Variants in ERBB4 observed in about 807,000 individuals in gnomAD.
The protein encoded by ERBB4 is erb-b2 receptor tyrosine kinase 4.
A neutral mutation model predicts 158.0 loss-of-function variants in ERBB4; 42 were observed. That is an observed-to-expected ratio of 0.27 (90% CI 0.21 to 0.34). The LOEUF is 0.34. ERBB4 is among the 10% of genes least tolerant of loss of function. The probability of loss-of-function intolerance (pLI) is 1.00; values close to 1 mark genes in which losing one functional copy is unlikely to be tolerated. For missense variants in ERBB4, 1,333 were observed against 1,624.1 expected (o/e 0.82, Z 3.08); for synonymous variants, 583 against 558.7 (o/e 1.04, Z -0.61).
chr2:211,841,733 C>T (rs1436447469), intron 3 of ERBB4, among the ~76,000 whole-genome samples: 1 of 151,730 alleles, frequency 6.6e-6, no homozygotes, highest in African/African-American at 2.4e-5. Context: ...ATATGGCTTC[C>T]CTGGAATTCT....
At chr2:211,682,709 T>A (rs369757200) in intron 12 of ERBB4, among the ~76,000 whole-genome samples, 1 of 152,220 alleles carries the variant, frequency 6.6e-6, no homozygotes, top group African/African-American at 2.4e-5. Flanking sequence ...CTTCCATCTA[T>A]TTCTCTCTCA....
chr2:211,500,868 T>TA (rs2125590803), intron 20 of ERBB4, among the ~76,000 whole-genome samples: 1 of 152,130 alleles, frequency 6.6e-6, no homozygotes, highest in East Asian at 1.9e-4. Flanking sequence ...TCCTTTGGTA[T>TA]AATAGGTTTG....
intron 25 of ERBB4, among the ~76,000 whole-genome samples, chr2:211,406,455 T>C (rs1314818322): frequency 1.3e-5 from 2 of 152,166 alleles, no homozygotes; most frequent in African/African-American, 2.4e-5. Flanking sequence ...ATTTAGCCCC[T>C]TAAAGATCAA....
At chr2:212,409,195 AT>A (rs1388704696) in intron 1 of ERBB4, among the ~76,000 whole-genome samples, 9 of 152,274 alleles carry the variant, frequency 5.9e-5, no homozygotes, top group African/African-American at 2.2e-4. Flanking sequence ...AAAAAGGGAG[AT>A]TTAAATGAGG....
intron 1 of ERBB4, among the ~76,000 whole-genome samples, chr2:212,262,440 ATAT>A (rs1205979803): frequency 6.6e-6 from 1 of 152,146 alleles, no homozygotes; most frequent in East Asian, 1.9e-4. Context: ...CCTTTTTTAA[ATAT>A]TATGAAGAGA....
intron 2 of ERBB4, among the ~76,000 whole-genome samples, chr2:212,030,677 T>C (rs1260520688): frequency 6.6e-6 from 1 of 152,086 alleles, no homozygotes; most frequent in African/African-American, 2.4e-5. Flanking sequence ...CTTTAGAGAA[T>C]ATGTACCTCA....
rs549228528 is a variant in ERBB4, at chr2:212,328,026, C to T, written c.83-203123G>A. On this transcript the variant is annotated intron_variant, in intron 1 of 27. Coordinates refer to ENST00000342788, the MANE Select transcript of ERBB4 (RefSeq NM_005235.3). Reference sequence around the variant, plus strand: ...CCTAAAATCTAGTGTCTTAAAACAACTTTAAAAAAAAAAAAAGTCACAATT... The same window carrying T: ...CCTAAAATCTAGTGTCTTAAAACAATTTTAAAAAAAAAAAAAGTCACAATT... Among the ~76,000 whole-genome samples, 275 of 28,034 alleles carry T rather than the reference C, an allele frequency of 9.8e-3. 3 individuals are homozygous for T. Among genetic ancestry groups the T allele is most frequent in the African/African-American group, 0.045 (264 of 5,818 alleles). The allele number at this position is 28,034 out of a possible 152,430, so 18.4% of individuals were successfully genotyped here.
At chr2:212,319,910 A>G (rs1230036792) in intron 1 of ERBB4, among the ~76,000 whole-genome samples, 2 of 150,316 alleles carry the variant, frequency 1.3e-5, no homozygotes, top group Non-Finnish European at 1.5e-5. Context: ...GCTAGGGGCC[A>G]AGAACACAAT....
intron 25 of ERBB4, among the ~76,000 whole-genome samples, chr2:211,405,790 A>C (rs1021776217): frequency 6.6e-6 from 1 of 152,092 alleles, no homozygotes; most frequent in Non-Finnish European, 1.5e-5. Context: ...AGTTAACTTC[A>C]CTCGAGCTCT....
At chr2:211,997,793 T>C (rs1431897639) in intron 2 of ERBB4, among the ~76,000 whole-genome samples, 1 of 152,130 alleles carries the variant, frequency 6.6e-6, no homozygotes, top group South Asian at 2.1e-4. Context: ...TTCCTTAGAA[T>C]AAGGTAACAC....
chr2:212,000,764 T>C (rs564426451), intron 2 of ERBB4, among the ~76,000 whole-genome samples: 1 of 151,834 alleles, frequency 6.6e-6, no homozygotes, highest in Non-Finnish European at 1.5e-5. Flanking sequence ...GATAGAATCA[T>C]GTATATATTT....
In ERBB4 at chr2:212,126,460, C is replaced by CAAA. The variant is rs10585812; in HGVS notation, c.83-1560_83-1558dup. 3.0e-4 allele frequency among the ~76,000 whole-genome samples: 21 copies of CAAA among 70,666 alleles called. No homozygotes were observed. The South Asian group carries it at 0.012, about 39-fold the overall frequency. The allele number at this position is 70,666 out of a possible 152,430, so 46.4% of individuals were successfully genotyped here. A position where few individuals can be genotyped will look rare whatever the true frequency, so the allele number is the denominator to read the frequency against. On this transcript the variant is annotated intron_variant, in intron 1 of 27. Coordinates refer to ENST00000342788, the MANE Select transcript of ERBB4 (RefSeq NM_005235.3). ...TGAGCAACAGAGTGAGACTCTGTCT[C>CAAA]AAAAAAAAAAAAAAAAAAAAAAAAA...
chr2:212,006,880 C>T (rs1347238143), intron 2 of ERBB4, among the ~76,000 whole-genome samples: 1 of 151,996 alleles, frequency 6.6e-6, no homozygotes, highest in East Asian at 1.9e-4. Context: ...CATCCCTTTA[C>T]ATTTTAACTT....
chr2:211,711,370 A>G (rs954743772), intron 9 of ERBB4, among the ~76,000 whole-genome samples: 2 of 152,196 alleles, frequency 1.3e-5, no homozygotes, highest in Admixed American at 6.5e-5. Context: ...AAGTAGTAAT[A>G]TAGACAAATA....
intron 1 of ERBB4, among the ~76,000 whole-genome samples, chr2:212,456,887 T>C (rs1030769468): frequency 2.6e-5 from 4 of 151,996 alleles, no homozygotes; most frequent in African/African-American, 9.7e-5. Context: ...AAATTGATTA[T>C]AATGGCCTTT....
At chr2:211,586,919 A>G (rs1338723011) in intron 19 of ERBB4, among the ~76,000 whole-genome samples, 1 of 152,198 alleles carries the variant, frequency 6.6e-6, no homozygotes, top group Non-Finnish European at 1.5e-5. Flanking sequence ...CAAGAAAAAT[A>G]TATATTGAAG....
At chr2:211,721,149 G>A (rs2074076599) in intron 7 of ERBB4, among the ~76,000 whole-genome samples, 1 of 152,160 alleles carries the variant, frequency 6.6e-6, no homozygotes, top group Non-Finnish European at 1.5e-5. Flanking sequence ...TAAACAAACT[G>A]TGTTGTGTGC....
chr2:212,277,270 C>A (rs2085576115), intron 1 of ERBB4, among the ~76,000 whole-genome samples: 2 of 151,590 alleles, frequency 1.3e-5, no homozygotes, highest in Non-Finnish European at 2.9e-5. Context: ...TAAAATCATG[C>A]ATAATGTTAA....
intron 1 of ERBB4, among the ~76,000 whole-genome samples, chr2:212,495,961 A>G (rs923667053): frequency 6.6e-6 from 1 of 152,108 alleles, no homozygotes; most frequent in Non-Finnish European, 1.5e-5. Context: ...AATTATATAA[A>G]GTGCTATTTC....
Sources: allele counts gnomAD v4.1 joint callset (sites outside exome capture counted in the v4.1 genomes callset), GRCh38; gene constraint gnomAD v4.1.1; transcripts MANE v1.5; gene names NCBI Gene and HGNC (gene_info 2026-07-23, HGNC 2026-07-21).